Variants in MMS19 observed in about 807,000 individuals in gnomAD.
MMS19 encodes the protein MMS19 cytosolic iron-sulfur assembly component, also known as MMS19 nucleotide excision repair protein homolog.
MMS19 carries 77 observed loss-of-function variants against 129.8 expected under a neutral mutation model. That is an observed-to-expected ratio of 0.59 (90% confidence interval 0.49 to 0.72). The LOEUF (loss-of-function observed/expected upper bound fraction) is 0.72, where lower values mean the gene tolerates loss of function less well. Among genes scored for constraint, MMS19 ranks in the 30% least tolerant of loss-of-function variants. The pLI, the probability that MMS19 is intolerant of heterozygous loss-of-function variation, is 0.00. For synonymous variants in MMS19, 491 were observed against 502.8 expected (o/e 0.98, Z 0.31); for missense variants, 1,168 against 1,266.3 (o/e 0.92, Z 1.18).
At chr10:97,482,722 GTGTGTGTA>G (rs1203047191) in intron 2 of MMS19, among the ~76,000 whole-genome samples, 67 of 109,466 alleles carry the variant, frequency 6.1e-4, no homozygotes, top group Middle Eastern at 4.4e-3. Flanking sequence ...GTGTGTGTGT[GTGTGTGTA>G]TATATATACA....
At position 97,484,129 on chromosome 10, in the gene MMS19, T is replaced by C; in HGVS notation, c.135A>G (p.Thr45=). 6.5e-7 allele frequency: 1 copy of C among 1,540,574 alleles called. No homozygotes were observed. The highest frequency in any genetic ancestry group is 8.8e-7 in the Non-Finnish European group (1 of 1,138,796). Residue 45 remains threonine, a synonymous_variant, in exon 2 of 31, where the codon ACA becomes ACG. Transcript: ENST00000438925. ...VAADVKSGNY[T]VLQVVEALGS... ...CAAGGGCTTCCACAACTTGTAACAC[T>C]GTATAGTTGCCAGATTTCACATCTG...
At chr10:97,495,842 C>T (rs541498871) in intron 1 of MMS19, among the ~76,000 whole-genome samples, 13 of 152,314 alleles carry the variant, frequency 8.5e-5, no homozygotes, top group South Asian at 2.1e-4. Flanking sequence ...AGTGCAGGGG[C>T]GCGATCTCCG....
intron 1 of MMS19, among the ~76,000 whole-genome samples, chr10:97,487,182 C>T (rs893921507): frequency 6.6e-6 from 1 of 151,600 alleles, no homozygotes; most frequent in Non-Finnish European, 1.5e-5. Context: ...TTTTAAAATC[C>T]TATTTCAGTT....
At chr10:97,459,569 G>T (rs757792451) in intron 27 of MMS19, 43 bp from the exon 28 acceptor site, 4 of 1,605,704 alleles carry the variant, frequency 2.5e-6, no homozygotes, top group Admixed American at 1.7e-5. Flanking sequence ...ACATCATGAA[G>T]ATCCTGGTTC....
Position 97,470,117 on chromosome 10 carries a change from A to G in MMS19, c.846+12T>C. On this transcript the variant is annotated intron_variant, in intron 10 of 30. Transcript: ENST00000438925. ...AAGGTAGCTGGGTCCTGCAAGGAGA[A>G]AAATCACTCACCAGAGTCTGTAGAG... 1 of 1,595,078 alleles carries G rather than the reference A, an allele frequency of 6.3e-7. No homozygotes were observed. The highest frequency in any genetic ancestry group is 8.6e-7 in the Non-Finnish European group (1 of 1,167,122).
chr10:97,475,253 T>C (rs1024598863), intron 8 of MMS19, among the ~76,000 whole-genome samples: 1 of 152,040 alleles, frequency 6.6e-6, no homozygotes, highest in African/African-American at 2.4e-5. Flanking sequence ...TGTGCACACA[T>C]TGATTTTAGG....
rs2032323517 is a variant in MMS19 at position 97,462,678 on chromosome 10, C to G, written c.1917G>C (p.Lys639Asn). The change falls in exon 20 of 31, where the codon AAG becomes AAC. Residue 639 changes from lysine to asparagine, a missense_variant. Lys to Asn is a moderately conservative substitution (Grantham distance 94). Around this residue, in one of 3 missense-constraint regions of MMS19, gnomAD observed 831 missense variants for 910.8 expected, o/e 0.91. Coordinates refer to ENST00000438925, the MANE Select transcript of MMS19 (RefSeq NM_022362.5). ...GTACTTTTCTCAGAACTGAGGGCTC[C>G]TTCTCTGCAAAACACACACACATGC... is the stretch of plus-strand genomic sequence containing the variant. ...ALAVQASMPEKEPSVLRKVLL... is the reference protein window; with the variant it reads ...ALAVQASMPENEPSVLRKVLL... 1.2e-6 allele frequency: 2 copies of G among 1,612,640 alleles called. No individual in the cohort carries two copies. The highest frequency in any genetic ancestry group is 8.5e-7 in the Non-Finnish European group (1 of 1,178,804).
rs1165813676 is a variant in MMS19, at chr10:97,484,162, T to C, written c.113-11A>G. The C allele has an allele frequency of 6.8e-7, 1 of 1,463,198 alleles. No homozygotes were observed. The allele number at this position is 1,463,198 out of a possible 1,614,324, so 90.6% of individuals were successfully genotyped here. On this transcript the variant is annotated splice_polypyrimidine_tract_variant and intron_variant, in intron 1 of 30. Transcript: ENST00000438925. ...TGCCAGATTTCACATCTGCAGGAAATAAAATAAATAAATATGAAAAATAAA... is the reference window on the plus strand; with the variant it reads ...TGCCAGATTTCACATCTGCAGGAAACAAAATAAATAAATATGAAAAATAAA...
chr10:97,496,955 A>G lies in MMS19; in HGVS notation c.112+1318T>C, dbSNP rs569039549. 7.9e-5 allele frequency among the ~76,000 whole-genome samples: 12 copies of G among 152,352 alleles called. No individual in the cohort carries two copies. The South Asian group carries it at 2.3e-3, about 29-fold the overall frequency. ...TCCTAAGTGATGTGCTCCTTATAAA[A>G]TTCTTTATACTTGGCTGGATATTCG... On this transcript the variant is annotated intron_variant, in intron 1 of 30. Transcript: ENST00000438925.
In MMS19 at chr10:97,463,861, G is replaced by A. The variant is rs371514917; in HGVS notation, c.1909C>T (p.Pro637Ser). The A allele has an allele frequency of 9.7e-5, 156 of 1,609,514 alleles. No individual in the cohort carries two copies. Among genetic ancestry groups the A allele is most frequent in the Non-Finnish European group, 1.3e-4 (152 of 1,178,134 alleles). The change falls in exon 19 of 31, where the codon CCA (proline) becomes TCA (serine). Residue 637 changes from proline (P) to serine (S), a missense_variant. Pro to Ser is a moderately conservative substitution (Grantham distance 74, BLOSUM62 -1). This residue lies in a region of MMS19 where 831 missense variants were observed against 910.8 expected (regional missense o/e 0.91). Transcript: ENST00000438925. ...GGAAGGAGAGGTGGAAAGTTACCTG[G>A]CATAGAGGCCTGCACAGCCAAGGCA... ...LLALAVQASM[P>S]EKEPSVLRKV...
chr10:97,496,511 CAAAAA>C (rs11357826), intron 1 of MMS19, among the ~76,000 whole-genome samples: 8 of 108,032 alleles, frequency 7.4e-5, no homozygotes, highest in Admixed American at 9.7e-5. Flanking sequence ...GACCTTGTCT[CAAAAA>C]AAAAAAAAAA....
chr10:97,494,635 G>T (rs1369699604), intron 1 of MMS19, among the ~76,000 whole-genome samples: 1 of 152,074 alleles, frequency 6.6e-6, no homozygotes, highest in Non-Finnish European at 1.5e-5. Flanking sequence ...CTGAAATGAA[G>T]GAAAATCCAA....
At chr10:97,470,306 TCAAG>T in intron 9 of MMS19, 103 bp from the exon 10 acceptor site, 2 of 796,958 alleles carry the variant, frequency 2.5e-6, no homozygotes, top group Non-Finnish European at 4.3e-6. Flanking sequence ...AGGTACTACA[TCAAG>T]GAGCTGTACT....
intron 1 of MMS19, among the ~76,000 whole-genome samples, chr10:97,496,407 G>A (rs942174535): frequency 1.3e-5 from 2 of 151,478 alleles, no homozygotes; most frequent in African/African-American, 2.4e-5. Context: ...CAGCTACTTC[G>A]GGAGGCTTGA....
intron 8 of MMS19, among the ~76,000 whole-genome samples, chr10:97,472,242 CTTAT>C (rs1228467451): frequency 1.3e-5 from 2 of 152,054 alleles, no homozygotes; most frequent in Non-Finnish European, 2.9e-5. Flanking sequence ...GATAACTAGG[CTTAT>C]TTATTTATTT....
Position 97,458,394 on chromosome 10 carries a change from C to G in MMS19, c.*298G>C, listed in dbSNP as rs1019278249. 1.0e-5 allele frequency: 4 copies of G among 397,592 alleles called. No homozygotes were observed. Among genetic ancestry groups the G allele is most frequent in the African/African-American group, 8.1e-5 (4 of 49,260 alleles). The allele number at this position is 397,592 out of a possible 1,614,324, so 24.6% of individuals were successfully genotyped here. A position where few individuals can be genotyped will look rare whatever the true frequency, so the allele number is the denominator to read the frequency against. On this transcript the variant is annotated 3_prime_UTR_variant, in exon 31 of 31. Coordinates refer to ENST00000438925, the MANE Select transcript of MMS19 (RefSeq NM_022362.5). ...CAGCCCTGGTCCTCAGGGCCACACT[C>G]ATATGCACTCACCCCTCAGCAGCAT...
intron 1 of MMS19, among the ~76,000 whole-genome samples, chr10:97,493,271 A>G (rs2039236921): frequency 6.6e-6 from 1 of 152,180 alleles, no homozygotes; most frequent in Non-Finnish European, 1.5e-5. Flanking sequence ...TCAGCCTCCC[A>G]AAGTGCTGGG....
At position 97,458,884 on chromosome 10, in the gene MMS19, G is replaced by T; in HGVS notation, c.2981C>A (p.Pro994Gln). The change falls in exon 30 of 31, where the codon CCA becomes CAA. Residue 994 changes from proline (P) to glutamine (Q), a missense_variant. This residue lies in a region of MMS19 where 831 missense variants were observed against 910.8 expected (regional missense o/e 0.91). Coordinates refer to ENST00000438925, the MANE Select transcript of MMS19 (RefSeq NM_022362.5). The part of the protein sequence containing the change: ...LPTPVLLPYK[P>Q]QVIRALAKPL... ...TTTGGCTAAGGCCCGAATCACCTGT[G>T]GTTTGTACGGCAGCAGCTGTGGAGT... is the stretch of plus-strand genomic sequence containing the variant. 6.2e-7 allele frequency: 1 copy of T among 1,614,012 alleles called. No individual in the cohort carries two copies. Among genetic ancestry groups the T allele is most frequent in the Admixed American group, 1.7e-5 (1 of 60,018 alleles).
intron 2 of MMS19, among the ~76,000 whole-genome samples, chr10:97,482,741 C>CAG (rs1564682975): frequency 1.6e-5 from 2 of 126,594 alleles, no homozygotes; most frequent in Non-Finnish European, 3.5e-5. Context: ...TATATATACA[C>CAG]ACACACACAC....
Sources: allele counts gnomAD v4.1 joint callset (sites outside exome capture counted in the v4.1 genomes callset), GRCh38; gene constraint gnomAD v4.1.1; regional missense constraint gnomAD v4.1.1; transcripts MANE v1.5; gene names NCBI Gene and HGNC (gene_info 2026-07-23, HGNC 2026-07-21).